The following TUSC3 variants were observed in gnomAD, a reference collection of about 807,000 sequenced individuals.
TUSC3 encodes the protein tumor suppressor candidate 3, also known as dolichyl-diphosphooligosaccharide--protein glycosyltransferase subunit TUSC3.
Under a neutral mutation model 44.8 loss-of-function variants are expected in TUSC3, and 45 were observed. The observed-to-expected ratio is 1.00, with a 90% confidence interval of 0.79 to 1.29. The LOEUF (loss-of-function observed/expected upper bound fraction) is 1.29. Among genes scored for constraint, TUSC3 ranks in the 50% most tolerant of loss-of-function variants. TUSC3 has a pLI of 0.00. For synonymous variants in TUSC3, 212 were observed against 152.9 expected, an observed-to-expected ratio of 1.39 and a Z score of -2.85; for missense variants, 519 against 437.9, an observed-to-expected ratio of 1.19 and a Z score of -1.65.
At chr8:15,650,640 G>T in intron 2 of TUSC3, 57 bp from the exon 3 acceptor site, 1 of 1,474,822 alleles carries the variant, frequency 6.8e-7, no homozygotes, top group Non-Finnish European at 9.5e-7. Context: ...TTTAATAACT[G>T]CTTTGTAGAT....
chr8:15,809,729 C>T, the TUSC3 span, among the ~76,000 whole-genome samples: 1 of 152,048 alleles, frequency 6.6e-6, no homozygotes, highest in Non-Finnish European at 1.5e-5. Context: ...TTTCAGTGAC[C>T]AAGGGTAACC....
At chr8:15,553,489 C>T (rs921355474) in intron 1 of TUSC3, among the ~76,000 whole-genome samples, 4 of 93,738 alleles carry the variant, frequency 4.3e-5, no homozygotes, top group African/African-American at 1.3e-4. Context: ...TTGGACTTTG[C>T]TGCTGGAGGA....
chr8:15,678,984 A>G (rs1206456615), intron 6 of TUSC3, among the ~76,000 whole-genome samples: 1 of 151,990 alleles, frequency 6.6e-6, no homozygotes, highest in East Asian at 1.9e-4. Context: ...TATGTACCGT[A>G]TTTTCTTTAT....
At chr8:15,546,276 G>A (rs1219500548) in intron 1 of TUSC3, among the ~76,000 whole-genome samples, 3 of 151,712 alleles carry the variant, frequency 2.0e-5, no homozygotes, top group Admixed American at 6.6e-5. Context: ...TTTTCTCATT[G>A]CTGTTTTATG....
chr8:15,517,176 C>T (rs867263298), intron 2 of TUSC3, among the ~76,000 whole-genome samples: 2 of 152,070 alleles, frequency 1.3e-5, no homozygotes, highest in Non-Finnish European at 2.9e-5. Flanking sequence ...TGAGATTACA[C>T]CAATTTGCCA....
upstream of TUSC3, among the ~76,000 whole-genome samples, chr8:15,538,661 A>G (rs761091298): frequency 6.6e-6 from 1 of 152,126 alleles, no homozygotes; most frequent in Admixed American, 6.5e-5. Flanking sequence ...TCGTAACTTT[A>G]TGTCTATTAA....
At chr8:15,453,837 ATAAT>A (rs1488094783) in intron 1 of TUSC3, among the ~76,000 whole-genome samples, 1 of 152,152 alleles carries the variant, frequency 6.6e-6, no homozygotes, top group Non-Finnish European at 1.5e-5. Context: ...TCTCTCTAAA[ATAAT>A]TGGTTGCAAC....
chr8:15,494,494 T>C (rs1041387993), intron 2 of TUSC3, among the ~76,000 whole-genome samples: 2 of 152,108 alleles, frequency 1.3e-5, no homozygotes, highest in Non-Finnish European at 2.9e-5. Flanking sequence ...ATTTTTTGTA[T>C]TTTTATTAGA....
At chr8:15,846,474 T>C in the TUSC3 span, among the ~76,000 whole-genome samples, 3 of 152,086 alleles carry the variant, frequency 2.0e-5, no homozygotes, top group Admixed American at 1.3e-4. Flanking sequence ...CCATCAATGA[T>C]AGACTGGATG....
At chr8:15,739,754 A>C (rs1296859914) in intron 7 of TUSC3, among the ~76,000 whole-genome samples, 1 of 152,204 alleles carries the variant, frequency 6.6e-6, no homozygotes, top group Non-Finnish European at 1.5e-5. Flanking sequence ...TCATGCTGAA[A>C]CTGGGCTAGC....
intron 1 of TUSC3, among the ~76,000 whole-genome samples, chr8:15,568,665 T>C (rs1415332756): frequency 6.6e-6 from 1 of 151,866 alleles, no homozygotes; most frequent in South Asian, 2.1e-4. Context: ...TGCAGTGGTA[T>C]AATCTTAGCG....
intron 1 of TUSC3, among the ~76,000 whole-genome samples, chr8:15,612,554 C>T (rs1195174252): frequency 1.3e-5 from 2 of 151,960 alleles, no homozygotes; most frequent in African/African-American, 4.8e-5. Context: ...ATAGATTATG[C>T]CAGCTTGTTT....
chr8:15,758,330 CAGAT>C (rs1359359919), intron 10 of TUSC3: 1 of 786,654 alleles, frequency 1.3e-6, no homozygotes, highest in Non-Finnish European at 1.5e-6. Context: ...AATTCAGAAA[CAGAT>C]AGTAGGTACT....
At chr8:15,668,659 A>G (rs976455600) in intron 5 of TUSC3, among the ~76,000 whole-genome samples, 8 of 151,812 alleles carry the variant, frequency 5.3e-5, no homozygotes, top group Admixed American at 2.6e-4. Context: ...GAAAACACAA[A>G]TGTCCAAAAC....
chr8:15,613,392 AGAAAAG>A (rs1459719433), intron 1 of TUSC3, among the ~76,000 whole-genome samples: 1 of 152,222 alleles, frequency 6.6e-6, no homozygotes, highest in Non-Finnish European at 1.5e-5. Context: ...CATGACCTGA[AGAAAAG>A]GAAAAGAAAT....
chr8:15,785,191 C>A, the TUSC3 span, among the ~76,000 whole-genome samples: 1 of 152,006 alleles, frequency 6.6e-6, no homozygotes, highest in African/African-American at 2.4e-5. Flanking sequence ...TCCATGTAAC[C>A]AGTACGACCC....
chr8:15,767,795 T>A (rs1412577753), downstream of TUSC3, among the ~76,000 whole-genome samples: 2 of 152,098 alleles, frequency 1.3e-5, no homozygotes, highest in Non-Finnish European at 2.9e-5. Flanking sequence ...CTTGAAAGCA[T>A]TGAAAGTAAA....
chr8:15,551,110 GA>G (rs1303073729), intron 1 of TUSC3, among the ~76,000 whole-genome samples: 1 of 151,754 alleles, frequency 6.6e-6, no homozygotes, highest in Non-Finnish European at 1.5e-5. Context: ...TGAGAGGGTT[GA>G]ACAAGATCAG....
chr8:15,754,414 C>G (rs1811834392), intron 9 of TUSC3, among the ~76,000 whole-genome samples: 1 of 152,112 alleles, frequency 6.6e-6, no homozygotes, highest in Non-Finnish European at 1.5e-5. Context: ...CCAATTTTAA[C>G]ATGAATACAT....
Sources: gnomAD v4.1 joint callset for allele counts (sites outside exome capture counted in the v4.1 genomes callset) on GRCh38, gnomAD v4.1.1 for gene constraint, MANE v1.5 for transcripts, NCBI Gene and HGNC (gene_info 2026-07-23, HGNC 2026-07-21) for gene names.